ITPR2: variants seen among roughly 807,000 people sequenced by gnomAD.
ITPR2 encodes the protein inositol 1,4,5-trisphosphate-gated calcium channel ITPR2.
Under a neutral mutation model 317.1 loss-of-function variants are expected in ITPR2, and 207 were observed. That is an observed-to-expected ratio of 0.65 (90% CI 0.58 to 0.73). ITPR2 has a LOEUF of 0.73. ITPR2 is among the 30% of genes least tolerant of loss of function. The pLI is 0.00. For missense variants in ITPR2, 2,613 were observed against 3,284.0 expected, an observed-to-expected ratio of 0.80 and a Z score of 4.99; for synonymous variants, 1,156 against 1,149.1, an observed-to-expected ratio of 1.01 and a Z score of -0.12.
chr12:26,596,565 T>G (rs1945851137), intron 31 of ITPR2, among the ~76,000 whole-genome samples: 1 of 150,928 alleles, frequency 6.6e-6, no homozygotes, highest in African/African-American at 2.4e-5. Context: ...GAGAATCGCT[T>G]GAACCCAAGA....
chr12:26,769,667 A>G (rs1949804126), intron 2 of ITPR2, among the ~76,000 whole-genome samples: 1 of 152,210 alleles, frequency 6.6e-6, no homozygotes, highest in African/African-American at 2.4e-5. Context: ...ATATTTCCAC[A>G]TAAAATAATA....
chr12:26,779,507 T>C (rs888863846), intron 2 of ITPR2, among the ~76,000 whole-genome samples: 1 of 152,086 alleles, frequency 6.6e-6, no homozygotes, highest in African/African-American at 2.4e-5. Flanking sequence ...GTGGCTCAAA[T>C]GCCCATAGTC....
chr12:26,379,249 G>A (rs1009677387), intron 55 of ITPR2, among the ~76,000 whole-genome samples: 3 of 152,128 alleles, frequency 2.0e-5, no homozygotes, highest in African/African-American at 7.2e-5. Flanking sequence ...GAGTTGTCAC[G>A]AGGCTTTAAA....
intron 2 of ITPR2, among the ~76,000 whole-genome samples, chr12:26,772,925 C>T (rs903461303): frequency 6.6e-6 from 1 of 151,926 alleles, no homozygotes; most frequent in Non-Finnish European, 1.5e-5. Context: ...CATCGAGAGG[C>T]CCCAGTATGT....
intron 2 of ITPR2, among the ~76,000 whole-genome samples, chr12:26,755,686 C>A (rs537895577): frequency 6.6e-6 from 1 of 152,164 alleles, no homozygotes. Context: ...AATCTGTTTT[C>A]TTTTGCAATA....
intron 6 of ITPR2, 25 bp from the exon 7 acceptor site, chr12:26,715,860 T>A: frequency 3.4e-6 from 5 of 1,460,438 alleles, no homozygotes; most frequent in Non-Finnish European, 4.8e-6. Context: ...ACGTTCAAAG[T>A]TATAAGACTA....
intron 37 of ITPR2, among the ~76,000 whole-genome samples, chr12:26,525,166 A>G (rs1390816128): frequency 6.6e-6 from 1 of 152,276 alleles, no homozygotes; most frequent in East Asian, 1.9e-4. Flanking sequence ...TATGGATATC[A>G]CTACCATGAG....
intron 55 of ITPR2, among the ~76,000 whole-genome samples, chr12:26,341,869 C>A (rs1308939677): frequency 6.6e-6 from 1 of 152,206 alleles, no homozygotes; most frequent in Non-Finnish European, 1.5e-5. Flanking sequence ...CAGATTCCCA[C>A]CCCACCACCT....
At position 26,495,197 on chromosome 12, in the gene ITPR2, T is replaced by G. The variant is rs1390022279; in HGVS notation, c.5137A>C (p.Asn1713His). ...GAGTAGGCTCCTGATAGGTGTCCAT[T>G]CACACCAATACTATAATCACCTTTA... ...YFKGDYSIGV[N>H]GHLSGAYSKT... The change falls in exon 38 of 57, where the codon AAT becomes CAT. Residue 1713 changes from asparagine to histidine, a missense_variant. Transcript: ENST00000381340. The G allele has an allele frequency of 1.2e-6, 2 of 1,609,792 alleles. No homozygotes were observed. Among genetic ancestry groups the G allele is most frequent in the African/African-American group, 2.7e-5 (2 of 74,866 alleles).
At chr12:26,587,877 G>T (rs1945575484) in intron 32 of ITPR2, among the ~76,000 whole-genome samples, 1 of 151,918 alleles carries the variant, frequency 6.6e-6, no homozygotes. Flanking sequence ...GAGAGAGAAT[G>T]GTACTTGGGG....
At chr12:26,469,132 T>C (rs547241908) in intron 45 of ITPR2, among the ~76,000 whole-genome samples, 50 of 152,380 alleles carry the variant, frequency 3.3e-4, no homozygotes, top group African/African-American at 1.2e-3. Context: ...ATTATAATGA[T>C]TTATCTCTCT....
intron 37 of ITPR2, among the ~76,000 whole-genome samples, chr12:26,515,107 T>C (rs937119408): frequency 3.9e-5 from 6 of 152,140 alleles, no homozygotes; most frequent in Non-Finnish European, 7.4e-5. Context: ...CTTACTCAGA[T>C]TGAACCAGTT....
At chr12:26,486,819 T>C (rs1942680055) in intron 40 of ITPR2, 2 of 646,992 alleles carry the variant, frequency 3.1e-6, no homozygotes, top group East Asian at 3.1e-5. Flanking sequence ...CTATTTACCA[T>C]GCATGCCACA....
chr12:26,806,327 C>G (rs781412093), intron 1 of ITPR2, among the ~76,000 whole-genome samples: 1 of 151,462 alleles, frequency 6.6e-6, no homozygotes, highest in Non-Finnish European at 1.5e-5. Flanking sequence ...TGAATGTACT[C>G]AACTTCTTGG....
At position 26,495,214 on chromosome 12, in the gene ITPR2, T is replaced by C. The variant is rs1942905230; in HGVS notation, c.5120A>G (p.Asp1707Gly). The C allele has an allele frequency of 6.2e-7, 1 of 1,608,904 alleles. No homozygotes were observed. The highest frequency in any genetic ancestry group is 8.5e-7 in the Non-Finnish European group (1 of 1,175,286). ...KILLNRYFKG[D>G]YSIGVNGHLS... The stretch of plus-strand genomic sequence containing the variant: ...GTGTCCATTCACACCAATACTATAA[T>C]CACCTTTAAAGTATCGATTCAGAAG... Residue 1707 changes from aspartate (D) to glycine (G), a missense_variant, in exon 38 of 57, where the codon GAT becomes GGT. Physicochemically the swap from Asp to Gly is moderately conservative, Grantham distance 94 (BLOSUM62 -1). Transcript: ENST00000381340.
At chr12:26,624,606 C>T (rs1229728167) in intron 23 of ITPR2, among the ~76,000 whole-genome samples, 1 of 151,964 alleles carries the variant, frequency 6.6e-6, no homozygotes, top group Non-Finnish European at 1.5e-5. Context: ...CAGAGAAATG[C>T]AAATCAAAAC....
chr12:26,553,195 G>C (rs1442640821), intron 36 of ITPR2, among the ~76,000 whole-genome samples: 1 of 152,118 alleles, frequency 6.6e-6, no homozygotes, highest in South Asian at 2.1e-4. Context: ...CACACCCCAC[G>C]GTTTGAAAAA....
At chr12:26,718,072 AAAAAAC>A (rs1289146675) in intron 5 of ITPR2, among the ~76,000 whole-genome samples, 10 of 152,138 alleles carry the variant, frequency 6.6e-5, no homozygotes, top group Non-Finnish European at 1.2e-4. Context: ...TATTTCTTCT[AAAAAAC>A]AAAAACAAAA....
intron 1 of ITPR2, among the ~76,000 whole-genome samples, chr12:26,801,658 T>C (rs1950557492): frequency 6.6e-6 from 1 of 152,168 alleles, no homozygotes; most frequent in Non-Finnish European, 1.5e-5. Flanking sequence ...AGGCGCTAAC[T>C]AGAGATGTCA....
Sources: allele counts gnomAD v4.1 joint callset (sites outside exome capture counted in the v4.1 genomes callset), GRCh38; gene constraint gnomAD v4.1.1; transcripts MANE v1.5; gene names NCBI Gene and HGNC (gene_info 2026-07-23, HGNC 2026-07-21).